Variants in FAF1 observed in about 807,000 individuals in gnomAD.
FAF1 encodes the protein FAS-associated factor 1.
In FAF1, 25 loss-of-function variants were observed where a neutral mutation model predicts 92.5. The ratio of observed to expected loss-of-function variants is 0.27; its 90% CI spans 0.20 to 0.38. The LOEUF (loss-of-function observed/expected upper bound fraction) is 0.38, where lower values mean the gene tolerates loss of function less well. Ranked by LOEUF, FAF1 falls within the 10% of genes least tolerant of loss-of-function variation. The pLI is 1.00. For synonymous variants in FAF1, 234 were observed against 273.2 expected (o/e 0.86, Z 1.42); for missense variants, 636 against 793.3 (o/e 0.80, Z 2.38).
chr1:50,828,902 C>T (rs1644128990), intron 2 of FAF1, among the ~76,000 whole-genome samples: 2 of 152,100 alleles, frequency 1.3e-5, no homozygotes, highest in Admixed American at 1.3e-4. Context: ...CTCTGCAACA[C>T]ACAACAAAAA....
intron 2 of FAF1, among the ~76,000 whole-genome samples, chr1:50,812,189 C>CA (rs1643922472): frequency 6.6e-6 from 1 of 151,988 alleles, no homozygotes; most frequent in South Asian, 2.1e-4. Context: ...GCAACAAAAA[C>CA]AAAAAATGAC....
intron 1 of FAF1, among the ~76,000 whole-genome samples, chr1:50,869,530 A>C (rs1342994164): frequency 6.6e-6 from 1 of 152,078 alleles, no homozygotes; most frequent in Non-Finnish European, 1.5e-5. Context: ...ACTTTTATTC[A>C]TTTGAATATT....
At chr1:50,612,499 G>C (rs965948122) in intron 8 of FAF1, 30 of 985,138 alleles carry the variant, frequency 3.0e-5, no homozygotes, top group Non-Finnish European at 3.6e-5. Context: ...TGCTTTGTAT[G>C]CATGAAGGGT....
intron 1 of FAF1, among the ~76,000 whole-genome samples, chr1:50,919,851 T>C (rs1221519238): frequency 6.6e-6 from 1 of 152,250 alleles, no homozygotes; most frequent in East Asian, 1.9e-4. Context: ...AAACCATGTA[T>C]GTTGTAATCT....
rs539402150 is a variant in FAF1 at position 50,555,921 on chromosome 1, A to T, written c.1268+11156T>A. Among the ~76,000 whole-genome samples, 16 of 151,808 alleles carry T rather than the reference A, an allele frequency of 1.1e-4. No homozygotes were observed. The South Asian group carries it at 2.5e-3, about 24-fold the overall frequency. On this transcript the variant is annotated intron_variant, in intron 13 of 18. Coordinates refer to ENST00000396153, the MANE Select transcript of FAF1 (RefSeq NM_007051.3). ...TGGTACGTATACATATATATATATA[A>T]AATTAGGTGTGTGTATATATACATG...
At position 50,734,627 on chromosome 1, in the gene FAF1, G is replaced by C. The variant is rs551568323; in HGVS notation, c.551+4236C>G. Among the ~76,000 whole-genome samples the C allele has an allele frequency of 8.6e-5, 13 of 151,916 alleles. 1 individual carries two copies. The South Asian group carries it at 1.9e-3, about 22-fold the overall frequency. On this transcript the variant is annotated intron_variant, in intron 6 of 18. Transcript: ENST00000396153. ...CGGGCGCCTGTATTCCCAGCTACTC[G>C]GGAGGCTGAGGCAGGAGAATGGCGT...
At chr1:50,885,585 AGT>A (rs1288814066) in intron 1 of FAF1, among the ~76,000 whole-genome samples, 1 of 151,974 alleles carries the variant, frequency 6.6e-6, no homozygotes, top group Non-Finnish European at 1.5e-5. Flanking sequence ...TTATAGGTGA[AGT>A]GTGTTTCTTG....
intron 18 of FAF1, among the ~76,000 whole-genome samples, chr1:50,456,595 A>G (rs183333710): frequency 6.6e-6 from 1 of 152,346 alleles, no homozygotes; most frequent in African/African-American, 2.4e-5. Flanking sequence ...ATAGTGGATG[A>G]ATAGCTGGGA....
At chr1:50,727,653 G>T (rs1658719691) in intron 6 of FAF1, among the ~76,000 whole-genome samples, 1 of 152,208 alleles carries the variant, frequency 6.6e-6, no homozygotes, top group African/African-American at 2.4e-5. Flanking sequence ...TTGATTGAAA[G>T]TATTGCTCCC....
chr1:50,755,681 C>T (rs1160539807), intron 4 of FAF1, among the ~76,000 whole-genome samples: 3 of 152,234 alleles, frequency 2.0e-5, no homozygotes, highest in Non-Finnish European at 2.9e-5. Context: ...GCCCCACCCC[C>T]ACAGCAAGCT....
Position 50,773,041 on chromosome 1 carries a change from G to C in FAF1, c.367+14959C>G, listed in dbSNP as rs1452747555. Among the ~76,000 whole-genome samples the C allele has an allele frequency of 2.0e-5, 3 of 152,198 alleles. No homozygotes were observed. In the East Asian group the frequency reaches 5.8e-4, roughly 29 times the overall value. ...ATTCTGGTATCATTAATTGAAAGAT[G>C]TAACTCCTGTATATCTTGCTACTTA... On this transcript the variant is annotated intron_variant, in intron 4 of 18. Transcript: ENST00000396153.
intron 8 of FAF1, among the ~76,000 whole-genome samples, chr1:50,629,892 C>T (rs1447623624): frequency 2.0e-5 from 3 of 152,060 alleles, no homozygotes; most frequent in Non-Finnish European, 1.5e-5. Context: ...AACCCCATCT[C>T]TACTAAAAAT....
intron 13 of FAF1, among the ~76,000 whole-genome samples, chr1:50,554,496 C>G (rs1649475752): frequency 6.6e-6 from 1 of 150,732 alleles, no homozygotes; most frequent in Non-Finnish European, 1.5e-5. Context: ...TAGTTGTCAT[C>G]ATGTAGTTTG....
intron 8 of FAF1, among the ~76,000 whole-genome samples, chr1:50,646,022 A>T (rs1654566062): frequency 6.6e-6 from 1 of 152,160 alleles, no homozygotes; most frequent in South Asian, 2.1e-4. Flanking sequence ...TTTGTCCCTA[A>T]AAAATGGCAA....
At chr1:50,660,338 TA>T (rs1655316282) in intron 7 of FAF1, among the ~76,000 whole-genome samples, 2 of 152,170 alleles carry the variant, frequency 1.3e-5, no homozygotes, top group South Asian at 4.1e-4. Flanking sequence ...TCAGTTATAA[TA>T]AAACCATTCC....
intron 6 of FAF1, among the ~76,000 whole-genome samples, chr1:50,729,053 T>A (rs1296542796): frequency 1.0e-5 from 1 of 99,612 alleles, no homozygotes; most frequent in Non-Finnish European, 2.1e-5. Flanking sequence ...TATATATATA[T>A]ATATATTTTT....
chr1:50,757,738 A>AAT (rs1229026204), intron 4 of FAF1, among the ~76,000 whole-genome samples: 1 of 152,060 alleles, frequency 6.6e-6, no homozygotes, highest in Non-Finnish European at 1.5e-5. Flanking sequence ...GAGATCATTT[A>AAT]TATGTATTAT....
intron 15 of FAF1, among the ~76,000 whole-genome samples, chr1:50,528,534 ATC>A (rs1450093843): frequency 1.3e-5 from 2 of 152,142 alleles, no homozygotes; most frequent in Non-Finnish European, 2.9e-5. Flanking sequence ...TCACTTCCTA[ATC>A]AAATTTTCTT....
intron 3 of FAF1, 51 bp from the exon 4 acceptor site, chr1:50,788,256 A>C (rs766462070): frequency 1.4e-6 from 2 of 1,471,112 alleles, no homozygotes; most frequent in Admixed American, 1.7e-5. Context: ...TCATTACAGA[A>C]TACTACTAGG....
Sources: gnomAD v4.1 joint callset for allele counts (sites outside exome capture counted in the v4.1 genomes callset) on GRCh38, gnomAD v4.1.1 for gene constraint, MANE v1.5 for transcripts, NCBI Gene and HGNC (gene_info 2026-07-23, HGNC 2026-07-21) for gene names.